SRD5A2: variants seen among roughly 807,000 people sequenced by gnomAD.
The protein encoded by SRD5A2 is 3-oxo-5-alpha-steroid 4-dehydrogenase 2.
A neutral mutation model predicts 27.4 loss-of-function variants in SRD5A2; 30 were observed. That is an observed-to-expected ratio of 1.10 (90% CI 0.82 to 1.49). The LOEUF is 1.49. Among genes scored for constraint, SRD5A2 ranks in the 40% most tolerant of loss-of-function variants. The probability of loss-of-function intolerance (pLI) is 0.00; values close to 1 mark genes in which losing one functional copy is unlikely to be tolerated. For synonymous variants in SRD5A2, 141 were observed against 133.6 expected, an observed-to-expected ratio of 1.06 and a Z score of -0.38; for missense variants, 348 against 323.4, an observed-to-expected ratio of 1.08 and a Z score of -0.58.
chr2:31,549,564 A>T (rs976601236), intron 1 of SRD5A2, among the ~76,000 whole-genome samples: 1 of 152,204 alleles, frequency 6.6e-6, no homozygotes, highest in Non-Finnish European at 1.5e-5. Context: ...AATAAATGTT[A>T]AAAGTAAAAA....
chr2:31,638,930 G>T, the SRD5A2 span, among the ~76,000 whole-genome samples: 13 of 151,950 alleles, frequency 8.6e-5, no homozygotes, highest in Admixed American at 8.5e-4. Flanking sequence ...CTATTGATAA[G>T]TAAGGTCTTA....
chr2:31,582,585 C>T (rs1197859093), upstream of SRD5A2, among the ~76,000 whole-genome samples: 1 of 152,194 alleles, frequency 6.6e-6, no homozygotes, highest in Non-Finnish European at 1.5e-5. Context: ...CCAGTCCCAG[C>T]TTCCTCAGCT....
At chr2:31,587,498 C>T in the SRD5A2 span, among the ~76,000 whole-genome samples, 2 of 152,002 alleles carry the variant, frequency 1.3e-5, no homozygotes, top group East Asian at 1.9e-4. Flanking sequence ...TCATGGAACC[C>T]GAATGCCCAT....
the SRD5A2 span, among the ~76,000 whole-genome samples, chr2:31,589,530 G>C: frequency 1.3e-5 from 2 of 152,166 alleles, no homozygotes; most frequent in Admixed American, 6.5e-5. Context: ...ACCTCCATTG[G>C]GGAAAGACTC....
chr2:31,620,141 C>T, the SRD5A2 span, among the ~76,000 whole-genome samples: 1 of 152,030 alleles, frequency 6.6e-6, no homozygotes, highest in African/African-American at 2.4e-5. Flanking sequence ...AACATCCCTT[C>T]ATGTTAAAAA....
At chr2:31,539,201 T>G (rs929210255) in intron 1 of SRD5A2, among the ~76,000 whole-genome samples, 5 of 152,168 alleles carry the variant, frequency 3.3e-5, no homozygotes, top group African/African-American at 9.7e-5. Flanking sequence ...CCTTAGGATT[T>G]GAAGAAAAAC....
At chr2:31,652,459 C>G in the SRD5A2 span, among the ~76,000 whole-genome samples, 5 of 151,252 alleles carry the variant, frequency 3.3e-5, no homozygotes, top group African/African-American at 1.2e-4. Context: ...AAAAAAGAAA[C>G]TTCTAAGGCA....
intron 1 of SRD5A2, among the ~76,000 whole-genome samples, chr2:31,550,688 A>G (rs1572642095): frequency 6.6e-6 from 1 of 152,128 alleles, no homozygotes; most frequent in East Asian, 1.9e-4. Flanking sequence ...TTCAATTTCT[A>G]TTAATGATAA....
chr2:31,658,467 G>T, the SRD5A2 span, among the ~76,000 whole-genome samples: 1 of 151,638 alleles, frequency 6.6e-6, no homozygotes, highest in Non-Finnish European at 1.5e-5. Context: ...TCGACCACTA[G>T]CTAGAGTGAT....
the SRD5A2 span, among the ~76,000 whole-genome samples, chr2:31,645,594 A>ATATTCACTC: frequency 6.6e-6 from 1 of 152,228 alleles, no homozygotes; most frequent in African/African-American, 2.4e-5. Context: ...ATAAAAGTTT[A>ATATTCACTC]TATTCACTCT....
the SRD5A2 span, among the ~76,000 whole-genome samples, chr2:31,589,040 C>G: frequency 1.7e-4 from 26 of 152,174 alleles, no homozygotes; most frequent in Non-Finnish European, 3.5e-4. Context: ...AGCCAAAAAA[C>G]TGTGAGTTCC....
chr2:31,611,996 G>T, the SRD5A2 span, among the ~76,000 whole-genome samples: 1 of 152,110 alleles, frequency 6.6e-6, no homozygotes, highest in African/African-American at 2.4e-5. Context: ...AGGATAAACT[G>T]GCTGAGTGTG....
chr2:31,554,706 C>A (rs530251162), intron 1 of SRD5A2, among the ~76,000 whole-genome samples: 17 of 152,242 alleles, frequency 1.1e-4, no homozygotes, highest in African/African-American at 3.6e-4. Flanking sequence ...TTTTCCCTGG[C>A]ATCAATTTGC....
At chr2:31,568,734 T>A (rs1466827730) in intron 1 of SRD5A2, among the ~76,000 whole-genome samples, 1 of 152,114 alleles carries the variant, frequency 6.6e-6, no homozygotes, top group African/African-American at 2.4e-5. Flanking sequence ...CCATCCATGG[T>A]GCCCAGGCTG....
chr2:31,639,327 G>A, the SRD5A2 span, among the ~76,000 whole-genome samples: 1 of 151,978 alleles, frequency 6.6e-6, no homozygotes, highest in Non-Finnish European at 1.5e-5. Context: ...TATTGTTTTT[G>A]ATAGATTAAT....
chr2:31,600,384 G>T, the SRD5A2 span, among the ~76,000 whole-genome samples: 1 of 151,850 alleles, frequency 6.6e-6, no homozygotes, highest in Admixed American at 6.6e-5. Flanking sequence ...TGGTATTTTG[G>T]TTTCACCTCT....
chr2:31,655,551 C>G, the SRD5A2 span, among the ~76,000 whole-genome samples: 1 of 152,148 alleles, frequency 6.6e-6, no homozygotes, highest in Admixed American at 6.5e-5. Context: ...TGACAAATCT[C>G]ACCAATCAAA....
At chr2:31,631,373 C>T in the SRD5A2 span, among the ~76,000 whole-genome samples, 519 of 152,234 alleles carry the variant, frequency 3.4e-3, 8 homozygotes, top group African/African-American at 0.012. Context: ...GGTGTTTACG[C>T]ACCCTGGAAA....
In SRD5A2 at chr2:31,564,985, T is replaced by G. The variant is rs1042527298; in HGVS notation, c.281+15635A>C. 4.6e-5 allele frequency among the ~76,000 whole-genome samples: 7 copies of G among 151,878 alleles called. 1 individual carries two copies. Among genetic ancestry groups the G allele is most frequent in the Non-Finnish European group, 1.5e-5 (1 of 67,830 alleles). On this transcript the variant is annotated intron_variant, in intron 1 of 4. Coordinates refer to ENST00000622030, the MANE Select transcript of SRD5A2 (RefSeq NM_000348.4). ...TTATTTAAAACTGTTTAAAAGATAA[T>G]TGACGATTTAAACAAAAATAATAGT...
Sources: allele counts gnomAD v4.1 joint callset (sites outside exome capture counted in the v4.1 genomes callset), GRCh38; gene constraint gnomAD v4.1.1; transcripts MANE v1.5; gene names NCBI Gene and HGNC (gene_info 2026-07-23, HGNC 2026-07-21).